NCKAP5: variants seen among roughly 807,000 people sequenced by gnomAD.
NCKAP5 encodes NCK associated protein 5.
Under a neutral mutation model 167.0 loss-of-function variants are expected in NCKAP5, and 92 were observed. That is an observed-to-expected ratio of 0.55 (90% confidence interval 0.47 to 0.66). NCKAP5 has a LOEUF of 0.66. Among genes scored for constraint, NCKAP5 ranks in the 30% least tolerant of loss-of-function variants. NCKAP5 has a pLI of 0.00. For synonymous variants in NCKAP5, 891 were observed against 877.4 expected (o/e 1.02, Z -0.27); for missense variants, 2,378 against 2,315.0 (o/e 1.03, Z -0.56).
At chr2:133,534,252 C>T (rs1312899027) in intron 2 of NCKAP5, among the ~76,000 whole-genome samples, 2 of 152,086 alleles carry the variant, frequency 1.3e-5, no homozygotes, top group African/African-American at 4.8e-5. Flanking sequence ...TCCCTTTGGC[C>T]TTAAAATATT....
upstream of NCKAP5, among the ~76,000 whole-genome samples, chr2:133,573,259 C>T (rs1028644335): frequency 1.3e-5 from 2 of 152,214 alleles, no homozygotes; most frequent in African/African-American, 2.4e-5. Flanking sequence ...CCCATAATGA[C>T]TGCTTTGATG....
At chr2:133,481,419 C>A (rs956626731) in intron 3 of NCKAP5, among the ~76,000 whole-genome samples, 4 of 152,272 alleles carry the variant, frequency 2.6e-5, no homozygotes, top group Admixed American at 2.6e-4. Flanking sequence ...TTTAGGGTGT[C>A]CATCTCCCAA....
At chr2:133,451,489 C>T (rs1173845293) in intron 3 of NCKAP5, among the ~76,000 whole-genome samples, 3 of 152,202 alleles carry the variant, frequency 2.0e-5, no homozygotes, top group Non-Finnish European at 4.4e-5. Flanking sequence ...GAAATCTTGT[C>T]TGTCTTCTAA....
intron 17 of NCKAP5, among the ~76,000 whole-genome samples, chr2:132,731,016 A>G (rs1268675701): frequency 6.6e-6 from 1 of 152,234 alleles, no homozygotes; most frequent in African/African-American, 2.4e-5. Context: ...CAACTCATAC[A>G]TGAAAGTGTT....
chr2:133,502,450 C>T (rs1682608586), intron 3 of NCKAP5, among the ~76,000 whole-genome samples: 1 of 152,110 alleles, frequency 6.6e-6, no homozygotes, highest in Non-Finnish European at 1.5e-5. Context: ...GACTTTTCTC[C>T]TTCCTTTGGC....
chr2:132,899,267 C>T (rs546863787), intron 8 of NCKAP5, among the ~76,000 whole-genome samples: 30 of 152,356 alleles, frequency 2.0e-4, no homozygotes, highest in African/African-American at 7.2e-4. Flanking sequence ...TCTGCAACTT[C>T]CTAACCTCTC....
intron 12 of NCKAP5, among the ~76,000 whole-genome samples, chr2:132,794,223 C>CATATATATATATAT (rs1166750939): frequency 4.7e-5 from 1 of 21,176 alleles, no homozygotes; most frequent in African/African-American, 1.1e-4. Flanking sequence ...AATGTTTATA[C>CATATATATATATAT]ATATATATAT....
chr2:133,242,043 G>A (rs574373283), intron 4 of NCKAP5, among the ~76,000 whole-genome samples: 3 of 148,898 alleles, frequency 2.0e-5, no homozygotes, highest in East Asian at 4.0e-4. Flanking sequence ...ATTTGAAACC[G>A]GGAGGCAGAG....
intron 4 of NCKAP5, among the ~76,000 whole-genome samples, chr2:133,279,809 A>G (rs752908528): frequency 7.2e-5 from 11 of 152,218 alleles, no homozygotes; most frequent in Non-Finnish European, 1.2e-4. Context: ...GGGCTTGGTA[A>G]CAAAACAAAT....
intron 4 of NCKAP5, 130 bp downstream of exon 4, chr2:133,302,907 T>C (rs1680499570): frequency 3.7e-6 from 2 of 537,590 alleles, no homozygotes; most frequent in Non-Finnish European, 6.5e-6. Context: ...GATAGTTTCT[T>C]AGAATCTAAC....
At chr2:133,498,754 A>G (rs1373312227) in intron 3 of NCKAP5, among the ~76,000 whole-genome samples, 2 of 152,230 alleles carry the variant, frequency 1.3e-5, no homozygotes, top group African/African-American at 2.4e-5. Flanking sequence ...AGTGATTTTC[A>G]CCATGTCTTT....
intron 3 of NCKAP5, among the ~76,000 whole-genome samples, chr2:133,345,737 T>C (rs1360234617): frequency 2.0e-5 from 3 of 152,160 alleles, no homozygotes; most frequent in East Asian, 1.9e-4. Context: ...GGTGATTTCA[T>C]TGTGACTTTG....
chr2:133,193,221 G>T (rs1044446794), intron 5 of NCKAP5, among the ~76,000 whole-genome samples: 10 of 152,224 alleles, frequency 6.6e-5, no homozygotes, highest in African/African-American at 2.4e-4. Context: ...TGTGGGAATA[G>T]ATTAATGGGT....
At chr2:133,032,230 G>A (rs1261309880) in intron 6 of NCKAP5, among the ~76,000 whole-genome samples, 1 of 152,170 alleles carries the variant, frequency 6.6e-6, no homozygotes, top group East Asian at 1.9e-4. Context: ...AGAGGGAAGG[G>A]CAATGCCCTG....
At chr2:133,514,211 C>A (rs964516773) in intron 3 of NCKAP5, among the ~76,000 whole-genome samples, 10 of 152,168 alleles carry the variant, frequency 6.6e-5, no homozygotes, top group African/African-American at 4.8e-5. Context: ...CTTTAACCCC[C>A]ACAATGAAAC....
At chr2:133,220,819 G>A (rs1036125299) in intron 4 of NCKAP5, among the ~76,000 whole-genome samples, 1 of 152,124 alleles carries the variant, frequency 6.6e-6, no homozygotes, top group African/African-American at 2.4e-5. Flanking sequence ...TGCCTGTTGG[G>A]AGACAAATCA....
intron 7 of NCKAP5, among the ~76,000 whole-genome samples, chr2:132,978,307 A>C (rs2077035698): frequency 1.3e-5 from 2 of 152,174 alleles, no homozygotes; most frequent in African/African-American, 4.8e-5. Flanking sequence ...TCTAGATTTC[A>C]CCAGTAGCCA....
intron 6 of NCKAP5, among the ~76,000 whole-genome samples, chr2:133,052,447 G>C (rs2079638220): frequency 1.3e-5 from 2 of 152,188 alleles, no homozygotes; most frequent in South Asian, 4.1e-4. Flanking sequence ...GCCGGGCACG[G>C]TGGCTCACGC....
intron 6 of NCKAP5, among the ~76,000 whole-genome samples, chr2:133,022,406 A>G (rs534894343): frequency 6.6e-6 from 1 of 152,324 alleles, no homozygotes; most frequent in South Asian, 2.1e-4. Flanking sequence ...CTGCTTTGAA[A>G]TGCTGATTAC....
Sources: allele counts gnomAD v4.1 joint callset (sites outside exome capture counted in the v4.1 genomes callset), GRCh38; gene constraint gnomAD v4.1.1; transcripts MANE v1.5; gene names NCBI Gene and HGNC (gene_info 2026-07-23, HGNC 2026-07-21).